The following TRHDE variants were observed in gnomAD, a reference collection of about 807,000 sequenced individuals.
TRHDE encodes the protein thyrotropin releasing hormone degrading enzyme, also known as thyrotropin-releasing hormone-degrading ectoenzyme.
In TRHDE, 72 loss-of-function variants were observed where a neutral mutation model predicts 125.7. The observed-to-expected ratio is 0.57, with a 90% CI of 0.47 to 0.70. The LOEUF is 0.70. Ranked by LOEUF, TRHDE falls within the 30% of genes least tolerant of loss-of-function variation. The probability of loss-of-function intolerance (pLI) is 0.00; values close to 1 mark genes in which losing one functional copy is unlikely to be tolerated. For synonymous variants in TRHDE, 509 were observed against 509.1 expected (o/e 1.00, Z 0.00); for missense variants, 1,110 against 1,327.1 (o/e 0.84, Z 2.54).
rs879733044 is a variant in TRHDE at position 72,221,208 on chromosome 12, G to A, written n.279+115456G>A. 4.6e-5 allele frequency among the ~76,000 whole-genome samples: 7 copies of A among 152,028 alleles called. No homozygotes were observed. The East Asian group carries it at 9.6e-4, about 21-fold the overall frequency. Reference sequence around the variant, plus strand: ...TGCCTATTAGAAAATATGTGTGTATGCGTTTTTGGGGAAAAATGATACAAT... The same window carrying A: ...TGCCTATTAGAAAATATGTGTGTATACGTTTTTGGGGAAAAATGATACAAT... On this transcript the variant is annotated intron_variant and non_coding_transcript_variant, in intron 2 of 4. Transcript: ENST00000548156.
intron 3 of TRHDE, among the ~76,000 whole-genome samples, chr12:72,381,522 A>G (rs1012878147): frequency 2.0e-4 from 30 of 150,616 alleles, no homozygotes; most frequent in African/African-American, 7.3e-4. Flanking sequence ...CAGCCTCCCA[A>G]GTAGCTGGGA....
chr12:72,250,761 T>TA (rs1161474476), intron 2 of TRHDE, among the ~76,000 whole-genome samples: 1 of 150,474 alleles, frequency 6.6e-6, no homozygotes, highest in African/African-American at 2.4e-5. Flanking sequence ...AGCCTAATGT[T>TA]AAAGCTAATA....
At position 72,273,154 on chromosome 12, in the gene TRHDE, T is replaced by G; in HGVS notation, c.511T>G (p.Ser171Ala). The change falls in exon 1 of 19, where the codon TCG (serine) becomes GCG (alanine). Residue 171 changes from serine (S) to alanine (A), a missense_variant. By Grantham distance (99) the Ser-to-Ala change is moderately conservative. Around this residue, in one of 5 missense-constraint regions of TRHDE, gnomAD observed 248 missense variants for 240.8 expected, o/e 1.03. Transcript: ENST00000261180. This position sits in a 1 kb window ranked among gnomAD's most constrained non-coding sequence, Gnocchi z 5.3. ...SPGTTSAQPPSEEEREPWEPW... is the reference protein window; with the variant it reads ...SPGTTSAQPPAEEEREPWEPW... ...GGGGACCACGTCGGCCCAGCCGCCG[T>G]CGGAGGAGGAGCGGGAGCCGTGGGA... 6.3e-7 allele frequency: 1 copy of G among 1,575,392 alleles called. No homozygotes were observed. Among genetic ancestry groups the G allele is most frequent in the Non-Finnish European group, 8.6e-7 (1 of 1,158,578 alleles).
At chr12:72,636,684 A>G (rs1442595053) in intron 15 of TRHDE, among the ~76,000 whole-genome samples, 1 of 152,168 alleles carries the variant, frequency 6.6e-6, no homozygotes, top group East Asian at 1.9e-4. Flanking sequence ...TCCCATCAAT[A>G]CCTAATTTAT....
chr12:72,252,373 T>G (rs965325964), intron 2 of TRHDE, among the ~76,000 whole-genome samples: 1 of 152,132 alleles, frequency 6.6e-6, no homozygotes, highest in Non-Finnish European at 1.5e-5. Context: ...CAGCACAACT[T>G]GTTGCAAGGC....
At chr12:72,120,674 C>CTTTTTT (rs36076979) in intron 2 of TRHDE, among the ~76,000 whole-genome samples, 23 of 118,736 alleles carry the variant, frequency 1.9e-4, no homozygotes, top group Non-Finnish European at 2.9e-4. Context: ...TACTCTTTAA[C>CTTTTTT]TTTTTTTTTT....
At chr12:72,335,013 A>C (rs1434502226) in intron 2 of TRHDE, among the ~76,000 whole-genome samples, 1 of 152,220 alleles carries the variant, frequency 6.6e-6, no homozygotes, top group Non-Finnish European at 1.5e-5. Flanking sequence ...GCAGGAAAGC[A>C]GAGAGGGTAG....
chr12:72,489,668 A>T (rs1877570057), intron 5 of TRHDE, among the ~76,000 whole-genome samples: 1 of 151,936 alleles, frequency 6.6e-6, no homozygotes, highest in African/African-American at 2.4e-5. Flanking sequence ...GGAAAAGAAT[A>T]CAGAGTCCAG....
At chr12:72,593,504 G>A (rs1871782990) in intron 12 of TRHDE, among the ~76,000 whole-genome samples, 1 of 151,610 alleles carries the variant, frequency 6.6e-6, no homozygotes, top group African/African-American at 2.4e-5. Context: ...TTGAGAGGGA[G>A]TTTTACTCTT....
At position 72,195,898 on chromosome 12, in the gene TRHDE, G is replaced by A. The variant is rs151314589; in HGVS notation, n.279+90146G>A. On this transcript the variant is annotated intron_variant and non_coding_transcript_variant, in intron 2 of 4. Transcript: ENST00000548156. ...TTTAATCAATCTTGAGTTAATTTTT[G>A]TATATAAGGTGAAAGGTATGGGTCC... is the stretch of plus-strand genomic sequence containing the variant. Among the ~76,000 whole-genome samples, 91 of 152,156 alleles carry A rather than the reference G, an allele frequency of 6.0e-4. 1 individual carries two copies. The East Asian group carries it at 0.016, about 27-fold the overall frequency.
chr12:72,437,527 T>G (rs1874800166), intron 3 of TRHDE, among the ~76,000 whole-genome samples: 1 of 151,876 alleles, frequency 6.6e-6, no homozygotes, highest in African/African-American at 2.4e-5. Flanking sequence ...ACTTTTGAAC[T>G]ACTATTGTCA....
chr12:72,639,552 C>T (rs565686206), intron 15 of TRHDE, among the ~76,000 whole-genome samples: 46 of 151,962 alleles, frequency 3.0e-4, no homozygotes, highest in African/African-American at 9.7e-4. Context: ...TGAGGAACTG[C>T]GTTCCTTTGG....
At chr12:72,512,762 G>T (rs1878664149) in intron 6 of TRHDE, among the ~76,000 whole-genome samples, 1 of 150,234 alleles carries the variant, frequency 6.7e-6, no homozygotes, top group Non-Finnish European at 1.5e-5. Flanking sequence ...AAATAAGCAG[G>T]CAACTATAAT....
chr12:72,637,550 T>C (rs1873819302), intron 15 of TRHDE, among the ~76,000 whole-genome samples: 1 of 152,120 alleles, frequency 6.6e-6, no homozygotes, highest in African/African-American at 2.4e-5. Flanking sequence ...TGCTAGCTTT[T>C]GAATGTGTTT....
At chr12:72,302,816 T>C (rs924240308) in intron 2 of TRHDE, among the ~76,000 whole-genome samples, 1 of 152,176 alleles carries the variant, frequency 6.6e-6, no homozygotes, top group Non-Finnish European at 1.5e-5. Flanking sequence ...TTTACCACCC[T>C]TTGGAACAGG....
chr12:72,292,305 G>T (rs1290109044), intron 2 of TRHDE, among the ~76,000 whole-genome samples: 1 of 152,140 alleles, frequency 6.6e-6, no homozygotes, highest in Non-Finnish European at 1.5e-5. Context: ...TTTTTCTGAG[G>T]CTGTTTCTTA....
chr12:72,344,916 A>G (rs138795834), intron 2 of TRHDE, among the ~76,000 whole-genome samples: 241 of 152,254 alleles, frequency 1.6e-3, no homozygotes, highest in African/African-American at 5.5e-3. Flanking sequence ...GGATTAAAAA[A>G]AGAGGTTCAT....
intron 6 of TRHDE, among the ~76,000 whole-genome samples, chr12:72,528,946 A>C (rs983149958): frequency 1.3e-5 from 2 of 152,122 alleles, no homozygotes; most frequent in African/African-American, 4.8e-5. Context: ...TGATTATAAT[A>C]TATTCACTAA....
At chr12:72,338,422 C>G (rs1869928155) in intron 2 of TRHDE, among the ~76,000 whole-genome samples, 1 of 152,100 alleles carries the variant, frequency 6.6e-6, no homozygotes, top group Non-Finnish European at 1.5e-5. Context: ...CTAAATTGAC[C>G]TTCAGAACGT....
Sources: allele counts gnomAD v4.1 joint callset (sites outside exome capture counted in the v4.1 genomes callset), GRCh38; gene constraint gnomAD v4.1.1; regional missense constraint gnomAD v4.1.1; non-coding constraint Gnocchi (gnomAD v3.1); transcripts MANE v1.5; gene names NCBI Gene and HGNC (gene_info 2026-07-23, HGNC 2026-07-21).